The following MALRD1 variants were observed in gnomAD, a reference collection of about 807,000 sequenced individuals.
MALRD1 encodes the protein MAM and LDL receptor class A domain containing 1.
MALRD1 carries 247 observed loss-of-function variants against 242.1 expected under a neutral mutation model. The observed-to-expected ratio is 1.02, with a 90% CI of 0.92 to 1.13. The LOEUF is 1.13. MALRD1 is among the 50% of genes most tolerant of loss of function. The pLI is 0.00. For synonymous variants in MALRD1, 995 were observed against 866.6 expected (o/e 1.15, Z -2.60); for missense variants, 2,989 against 2,533.1 (o/e 1.18, Z -3.86).
In MALRD1 at chr10:19,391,990, C is replaced by G. The variant is rs574619024; in HGVS notation, c.4845+2381C>G. Among the ~76,000 whole-genome samples, 3 of 152,298 alleles carry G rather than the reference C, an allele frequency of 2.0e-5. No homozygotes were observed. The South Asian group carries it at 6.2e-4, about 32-fold the overall frequency. On this transcript the variant is annotated intron_variant, in intron 28 of 39. Transcript: ENST00000454679. ...TGCATTACATGCATGACGTTCAAGT[C>G]TAGCCTGAAGAAGCATCTGTCATCT...
At chr10:19,620,318 C>T (rs1839344536) in intron 36 of MALRD1, among the ~76,000 whole-genome samples, 2 of 152,142 alleles carry the variant, frequency 1.3e-5, no homozygotes, top group Non-Finnish European at 2.9e-5. Context: ...ACCGTCCTCC[C>T]ACCCTCCACT....
intron 28 of MALRD1, among the ~76,000 whole-genome samples, chr10:19,420,123 G>A (rs1293582379): frequency 6.6e-6 from 1 of 152,178 alleles, no homozygotes; most frequent in African/African-American, 2.4e-5. Context: ...GGGTTCTTAT[G>A]CCTGACACTC....
chr10:19,521,023 G>A (rs992914833), intron 31 of MALRD1, among the ~76,000 whole-genome samples: 7 of 151,982 alleles, frequency 4.6e-5, no homozygotes, highest in Middle Eastern at 3.2e-3. Context: ...GCTTGCTTGC[G>A]TTTTTTGTTT....
chr10:19,413,983 G>T (rs1833397037), intron 28 of MALRD1, among the ~76,000 whole-genome samples: 1 of 148,156 alleles, frequency 6.7e-6, no homozygotes, highest in Non-Finnish European at 1.5e-5. Context: ...AAAAAACAAT[G>T]ATTTTTACCA....
At chr10:19,147,186 A>G (rs1237456973) in intron 11 of MALRD1, among the ~76,000 whole-genome samples, 1 of 152,196 alleles carries the variant, frequency 6.6e-6, no homozygotes, top group Non-Finnish European at 1.5e-5. Context: ...TTGTACTTGT[A>G]CTGTAGATCA....
intron 36 of MALRD1, among the ~76,000 whole-genome samples, chr10:19,674,675 C>T (rs1404139126): frequency 6.6e-6 from 1 of 152,076 alleles, no homozygotes; most frequent in Non-Finnish European, 1.5e-5. Flanking sequence ...AAAAATTTTT[C>T]AGACTTCCTA....
At chr10:19,372,538 G>A (rs562414440) in intron 26 of MALRD1, among the ~76,000 whole-genome samples, 17 of 151,200 alleles carry the variant, frequency 1.1e-4, no homozygotes, top group Non-Finnish European at 2.4e-4. Flanking sequence ...GTGCAATCTC[G>A]GCTCACTGCA....
intron 33 of MALRD1, among the ~76,000 whole-genome samples, chr10:19,592,974 A>G (rs1837895127): frequency 6.6e-6 from 1 of 151,294 alleles, no homozygotes; most frequent in Non-Finnish European, 1.5e-5. Context: ...TGGTGAGCTC[A>G]TAAAGATGAA....
chr10:19,292,685 G>A (rs66751457), intron 21 of MALRD1, among the ~76,000 whole-genome samples: 27,517 of 151,892 alleles, frequency 0.18, 2,629 homozygotes, highest in African/African-American at 0.25. Context: ...GAGGTCAGGA[G>A]ATCGAGACCA....
chr10:19,717,602 C>G (rs981370716), intron 38 of MALRD1, among the ~76,000 whole-genome samples: 1 of 152,058 alleles, frequency 6.6e-6, no homozygotes, highest in East Asian at 1.9e-4. Context: ...ATTATTAATG[C>G]GAAAATTAGT....
chr10:19,331,390 G>T lies in MALRD1; in HGVS notation c.3709G>T (p.Gly1237Cys), dbSNP rs1284559201. ...HTQIVFRAKR[G>C]ISYIGDVAVD... is the part of the protein sequence containing the mutation. ...TTAGATTGTCTTCAGAGCCAAACGT[G>T]GTATCAGTTACATAGGAGATGTAGC... Residue 1237 changes from glycine (G) to cysteine (C), a missense_variant, in exon 24 of 40, where the codon GGT becomes TGT. Physicochemically the swap from Gly to Cys is radical, Grantham distance 159 (BLOSUM62 -3). Transcript: ENST00000454679. 2 of 1,550,066 alleles carry T rather than the reference G, an allele frequency of 1.3e-6. No homozygotes were observed. Among genetic ancestry groups the T allele is most frequent in the Non-Finnish European group, 1.7e-6 (2 of 1,146,770 alleles).
intron 26 of MALRD1, among the ~76,000 whole-genome samples, chr10:19,386,086 T>C (rs535086029): frequency 1.3e-5 from 2 of 152,276 alleles, no homozygotes; most frequent in African/African-American, 4.8e-5. Context: ...GAAGCCTTCA[T>C]AATACGTTTC....
intron 38 of MALRD1, among the ~76,000 whole-genome samples, chr10:19,713,616 C>T (rs1330558588): frequency 1.3e-5 from 2 of 152,156 alleles, no homozygotes; most frequent in Non-Finnish European, 2.9e-5. Context: ...ACAAAGACAG[C>T]AGTACTGCAA....
Position 19,196,087 on chromosome 10 carries a change from C to T in MALRD1, c.1952-7641C>T, listed in dbSNP as rs186322139. On this transcript the variant is annotated intron_variant, in intron 14 of 39. Transcript: ENST00000454679. ...TCTCCTGTACCCGAAGTAAACTGTC[C>T]GTGTTTCTTTTATGTAGAACCCCTC... Among the ~76,000 whole-genome samples the T allele has an allele frequency of 4.3e-4, 65 of 152,178 alleles. 1 individual carries two copies. The South Asian group carries it at 0.011, about 26-fold the overall frequency.
At chr10:19,375,338 T>G (rs1189947105) in intron 26 of MALRD1, among the ~76,000 whole-genome samples, 1 of 152,204 alleles carries the variant, frequency 6.6e-6, no homozygotes, top group Non-Finnish European at 1.5e-5. Flanking sequence ...AGACAGCTAA[T>G]GTATACCCAG....
At chr10:19,437,430 G>C (rs899304326) in intron 28 of MALRD1, among the ~76,000 whole-genome samples, 7 of 151,884 alleles carry the variant, frequency 4.6e-5, no homozygotes, top group Non-Finnish European at 7.4e-5. Context: ...TAAACTTGGA[G>C]TTTAGAAATG....
chr10:19,191,637 A>G (rs189849850), intron 14 of MALRD1, among the ~76,000 whole-genome samples: 1 of 152,316 alleles, frequency 6.6e-6, no homozygotes, highest in Admixed American at 6.5e-5. Flanking sequence ...TGGTGAATGC[A>G]TACAATGGAA....
At chr10:19,117,931 G>C in intron 5 of MALRD1, among the ~76,000 whole-genome samples, 1 of 151,386 alleles carries the variant, frequency 6.6e-6, no homozygotes, top group South Asian at 2.1e-4. Flanking sequence ...TTAGATAGTC[G>C]TGTGATAGCG....
At chr10:19,435,875 A>G (rs909226039) in intron 28 of MALRD1, among the ~76,000 whole-genome samples, 1 of 152,146 alleles carries the variant, frequency 6.6e-6, no homozygotes, top group African/African-American at 2.4e-5. Context: ...ATTCTTTAGC[A>G]TGGGATATTT....
Sources: gnomAD v4.1 joint callset for allele counts (sites outside exome capture counted in the v4.1 genomes callset) on GRCh38, gnomAD v4.1.1 for gene constraint, MANE v1.5 for transcripts, NCBI Gene and HGNC (gene_info 2026-07-23, HGNC 2026-07-21) for gene names.